DOCK3: variants seen among roughly 807,000 people sequenced by gnomAD.
The protein encoded by DOCK3 is dedicator of cytokinesis 3, also known as dedicator of cytokinesis protein 3.
A neutral mutation model predicts 265.6 loss-of-function variants in DOCK3; 60 were observed. The observed-to-expected ratio is 0.23, with a 90% CI of 0.18 to 0.28. DOCK3 has a LOEUF of 0.28. Among genes scored for constraint, DOCK3 ranks in the 10% least tolerant of loss-of-function variants. DOCK3 has a pLI of 1.00. For synonymous variants in DOCK3, 881 were observed against 938.0 expected, an observed-to-expected ratio of 0.94 and a Z score of 1.11; for missense variants, 1,981 against 2,594.3, an observed-to-expected ratio of 0.76 and a Z score of 5.14.
Position 51,358,020 on chromosome 3 carries a change from G to A in DOCK3, c.4827G>A (p.Arg1609=), listed in dbSNP as rs1378954122. ...VHEKFVHPEM[R]PLHKKLIDQF... is the part of the protein sequence containing the mutation. ...AGAAGTTTGTGCACCCAGAAATGCG[G>A]CCTCTGCATAAGAAGCTAATTGATC... The change falls in exon 46 of 53, where the codon CGG becomes CGA. Residue 1609 remains arginine, a synonymous_variant. Coordinates refer to ENST00000266037, the MANE Select transcript of DOCK3 (RefSeq NM_004947.5). The A allele has an allele frequency of 6.8e-6, 11 of 1,613,874 alleles. No individual in the cohort carries two copies. The highest frequency in any genetic ancestry group is 9.3e-6 in the Non-Finnish European group (11 of 1,179,904).
intron 5 of DOCK3, among the ~76,000 whole-genome samples, chr3:50,988,273 C>T (rs73833954): frequency 0.025 from 3,800 of 152,118 alleles, 182 homozygotes; most frequent in African/African-American, 0.087. Context: ...AATGTTGCCA[C>T]ACTGCTGCTT....
At chr3:50,993,137 C>A (rs1332078715) in intron 5 of DOCK3, among the ~76,000 whole-genome samples, 1 of 152,110 alleles carries the variant, frequency 6.6e-6, no homozygotes, top group Non-Finnish European at 1.5e-5. Context: ...TGGATTGTAG[C>A]CATTGAGGCC....
At chr3:50,813,887 A>C (rs2043908652) in intron 2 of DOCK3, among the ~76,000 whole-genome samples, 4 of 152,346 alleles carry the variant, frequency 2.6e-5, no homozygotes, top group Non-Finnish European at 5.9e-5. Flanking sequence ...AACATGCAAA[A>C]GAATACTGTG....
chr3:51,225,919 C>T, intron 15 of DOCK3, 146 bp downstream of exon 15: 1 of 1,108,952 alleles, frequency 9.0e-7, no homozygotes, highest in Admixed American at 3.0e-5. Context: ...TTGAAGAAAA[C>T]TCTAAAGTGT....
At chr3:50,986,410 A>G (rs781500275) in intron 5 of DOCK3, among the ~76,000 whole-genome samples, 2 of 152,234 alleles carry the variant, frequency 1.3e-5, no homozygotes, top group East Asian at 3.8e-4. Context: ...AATTGTGAAG[A>G]TTAGTTTGGC....
intron 2 of DOCK3, chr3:50,788,073 G>T: frequency 1.3e-6 from 1 of 746,010 alleles, no homozygotes; most frequent in South Asian, 1.7e-5. Flanking sequence ...GTTTCATGGA[G>T]ATGTAGTTTG....
chr3:51,113,467 A>G (rs1434112751), intron 9 of DOCK3, among the ~76,000 whole-genome samples: 2 of 152,190 alleles, frequency 1.3e-5, no homozygotes, highest in Admixed American at 1.3e-4. Context: ...CTATTGCTAG[A>G]AGCTGTACCA....
chr3:50,983,882 G>C (rs7427615), intron 5 of DOCK3, among the ~76,000 whole-genome samples: 10,904 of 152,184 alleles, frequency 0.072, 977 homozygotes, highest in East Asian at 0.33. Context: ...ACTCGAGCCA[G>C]GGCTATGACT....
chr3:51,296,916 C>G (rs1339706891), intron 27 of DOCK3, among the ~76,000 whole-genome samples: 1 of 151,466 alleles, frequency 6.6e-6, no homozygotes, highest in East Asian at 2.0e-4. Flanking sequence ...GTCAGGAGTT[C>G]GAGACCACCC....
chr3:51,014,058 G>A (rs760616955), intron 5 of DOCK3, among the ~76,000 whole-genome samples: 1 of 152,140 alleles, frequency 6.6e-6, no homozygotes, highest in Non-Finnish European at 1.5e-5. Context: ...CGATTTTCCC[G>A]GTACAGTCTG....
intron 12 of DOCK3, among the ~76,000 whole-genome samples, chr3:51,171,746 G>A (rs1342178705): frequency 6.6e-6 from 1 of 151,772 alleles, no homozygotes; most frequent in Non-Finnish European, 1.5e-5. Flanking sequence ...TTGTTTTGTG[G>A]CCTAATAAAT....
intron 35 of DOCK3, 31 bp from the exon 36 acceptor site, chr3:51,338,328 A>G: frequency 2.4e-5 from 38 of 1,551,310 alleles, no homozygotes; most frequent in Non-Finnish European, 3.3e-5. Context: ...CCCACTTCAT[A>G]TCTGGTGCTC....
intron 40 of DOCK3, among the ~76,000 whole-genome samples, chr3:51,352,371 G>T (rs1256063465): frequency 2.6e-5 from 4 of 152,142 alleles, no homozygotes; most frequent in African/African-American, 9.7e-5. Flanking sequence ...ATGCTCCATC[G>T]TAGTCCAACC....
At chr3:50,941,198 A>G (rs577144863) in intron 5 of DOCK3, among the ~76,000 whole-genome samples, 3 of 152,278 alleles carry the variant, frequency 2.0e-5, no homozygotes, top group Non-Finnish European at 4.4e-5. Flanking sequence ...TATCTAGAAT[A>G]TTTATGGAAC....
chr3:50,926,588 G>C (rs1484095088), intron 4 of DOCK3, among the ~76,000 whole-genome samples: 1 of 152,160 alleles, frequency 6.6e-6, no homozygotes, highest in African/African-American at 2.4e-5. Flanking sequence ...GAGATCTGGG[G>C]CTTCAGTTAG....
At chr3:51,307,834 A>G (rs2082772511) in intron 27 of DOCK3, among the ~76,000 whole-genome samples, 1 of 151,210 alleles carries the variant, frequency 6.6e-6, no homozygotes, top group African/African-American at 2.4e-5. Flanking sequence ...GGTTTGCCCG[A>G]AATGACATGG....
Position 51,374,986 on chromosome 3 carries a change from G to T in DOCK3, c.5412+399G>T, listed in dbSNP as rs1444161482. 6.6e-6 allele frequency among the ~76,000 whole-genome samples: 1 copy of T among 152,180 alleles called. No homozygotes were observed. The highest frequency in any genetic ancestry group is 1.9e-4 in the East Asian group (1 of 5,192). On this transcript the variant is annotated intron_variant, in intron 50 of 52. Transcript: ENST00000266037. The surrounding 1 kb of genome is among the most constrained non-coding windows in gnomAD (Gnocchi z 4.8). ...CCCTATTTGTGGGGCATCCTCACTGGAACAAACTCTGCCTCTTTTATTCAT... is the reference window on the plus strand; with the variant it reads ...CCCTATTTGTGGGGCATCCTCACTGTAACAAACTCTGCCTCTTTTATTCAT...
chr3:51,167,568 T>C (rs2086470127), intron 12 of DOCK3, among the ~76,000 whole-genome samples: 1 of 152,190 alleles, frequency 6.6e-6, no homozygotes, highest in Non-Finnish European at 1.5e-5. Flanking sequence ...ATATTAATTC[T>C]TCCAATTTAT....
intron 27 of DOCK3, among the ~76,000 whole-genome samples, chr3:51,289,877 T>C (rs1320997360): frequency 5.3e-5 from 8 of 151,924 alleles, no homozygotes; most frequent in Admixed American, 6.6e-5. Flanking sequence ...GGGCGAAGGA[T>C]ATGAACAGAC....
Sources: allele counts gnomAD v4.1 joint callset (sites outside exome capture counted in the v4.1 genomes callset), GRCh38; gene constraint gnomAD v4.1.1; non-coding constraint Gnocchi (gnomAD v3.1); transcripts MANE v1.5; gene names NCBI Gene and HGNC (gene_info 2026-07-23, HGNC 2026-07-21).